Variants in NREP observed in about 807,000 individuals in gnomAD.
The protein encoded by NREP is neuronal regeneration related protein, also known as neuronal regeneration-related protein.
NREP carries 5 observed loss-of-function variants against 8.6 expected under a neutral mutation model. The ratio of observed to expected loss-of-function variants is 0.58; its 90% CI spans 0.30 to 1.22. The LOEUF (loss-of-function observed/expected upper bound fraction) is 1.22, where lower values mean the gene tolerates loss of function less well. Among genes scored for constraint, NREP ranks in the 50% most tolerant of loss-of-function variants. NREP has a pLI of 0.07. For missense variants in NREP, 86 were observed against 82.5 expected, an observed-to-expected ratio of 1.04 and a Z score of -0.17; for synonymous variants, 27 against 28.0, an observed-to-expected ratio of 0.96 and a Z score of 0.11.
intron 2 of NREP, 117 bp downstream of exon 2, chr5:111,755,653 G>C: frequency 8.7e-7 from 1 of 1,148,254 alleles, no homozygotes; most frequent in African/African-American, 1.5e-5. Flanking sequence ...ACCTTTTAAA[G>C]GTCAGATGGG....
upstream of NREP, chr5:111,758,256 C>G (rs1750861309): frequency 1.0e-6 from 1 of 985,450 alleles, no homozygotes; most frequent in Non-Finnish European, 1.2e-6. Context: ...CGCGCACAAC[C>G]AGCCAGAGCT....
intron 2 of NREP, among the ~76,000 whole-genome samples, chr5:111,812,856 C>G (rs1214671329): frequency 6.6e-6 from 1 of 152,106 alleles, no homozygotes; most frequent in Non-Finnish European, 1.5e-5. Context: ...GAACTTCATA[C>G]ATGTCATGAT....
At chr5:111,974,993 C>A (rs1352791293) in intron 2 of NREP, among the ~76,000 whole-genome samples, 2 of 152,080 alleles carry the variant, frequency 1.3e-5, no homozygotes, top group African/African-American at 4.8e-5. Context: ...GGTGGTTGGC[C>A]AGAGGTGTAC....
intron 2 of NREP, among the ~76,000 whole-genome samples, chr5:111,928,206 G>A (rs779556152): frequency 3.9e-5 from 6 of 151,966 alleles, no homozygotes; most frequent in East Asian, 1.9e-4. Context: ...TATTTACATC[G>A]CATAGACTTT....
At chr5:111,835,353 A>C (rs545445250) in intron 2 of NREP, among the ~76,000 whole-genome samples, 1 of 152,162 alleles carries the variant, frequency 6.6e-6, no homozygotes, top group African/African-American at 2.4e-5. Context: ...GAATAGTAAT[A>C]GTATTAATAA....
At chr5:111,878,490 T>G (rs1753966063) in intron 2 of NREP, among the ~76,000 whole-genome samples, 1 of 152,192 alleles carries the variant, frequency 6.6e-6, no homozygotes, top group Non-Finnish European at 1.5e-5. Flanking sequence ...CATCCATGAT[T>G]CAATCACCTC....
chr5:111,832,221 T>G (rs1426147792), intron 2 of NREP, among the ~76,000 whole-genome samples: 1 of 152,032 alleles, frequency 6.6e-6, no homozygotes, highest in African/African-American at 2.4e-5. Context: ...GCTATGTCTT[T>G]CAAAACCACC....
intron 2 of NREP, among the ~76,000 whole-genome samples, chr5:111,952,282 G>A (rs961629165): frequency 9.9e-5 from 15 of 152,096 alleles, no homozygotes; most frequent in Non-Finnish European, 1.6e-4. Context: ...AGCCAGTTAG[G>A]CAAGAATGAG....
chr5:111,892,363 G>A (rs1754414455), intron 2 of NREP, among the ~76,000 whole-genome samples: 1 of 152,062 alleles, frequency 6.6e-6, no homozygotes, highest in African/African-American at 2.4e-5. Flanking sequence ...ACATTAAATG[G>A]AAAATGGGTT....
chr5:111,878,277 C>G (rs1229167556), intron 2 of NREP, among the ~76,000 whole-genome samples: 3 of 152,148 alleles, frequency 2.0e-5, no homozygotes, highest in Admixed American at 2.0e-4. Context: ...TTATGAAGAA[C>G]AGAGGTTTAA....
chr5:111,927,439 G>T (rs1372287637), intron 2 of NREP, among the ~76,000 whole-genome samples: 1 of 152,110 alleles, frequency 6.6e-6, no homozygotes, highest in African/African-American at 2.4e-5. Flanking sequence ...TGCCCTCTGA[G>T]ATAAGCGCTC....
intron 2 of NREP, among the ~76,000 whole-genome samples, chr5:111,769,924 C>G (rs1000152415): frequency 1.3e-5 from 2 of 152,134 alleles, no homozygotes; most frequent in African/African-American, 2.4e-5. Context: ...CAGAGCCAAA[C>G]GCCAAACCAT....
rs905940458 is a variant in NREP at position 111,855,794 on chromosome 5, C to G, written c.135+119480G>C. Among the ~76,000 whole-genome samples the G allele has an allele frequency of 8.5e-5, 13 of 152,194 alleles. 1 individual carries two copies. The highest frequency in any genetic ancestry group is 3.1e-4 in the African/African-American group (13 of 41,530). ...TAGGGGTTGCAGGACCAGGACAAATCACACAGGGCCAACCTCCCCAATAAT... is the reference window on the plus strand; with the variant it reads ...TAGGGGTTGCAGGACCAGGACAAATGACACAGGGCCAACCTCCCCAATAAT... On this transcript the variant is annotated intron_variant, in intron 2 of 3. Transcript: ENST00000395634.
intron 2 of NREP, among the ~76,000 whole-genome samples, chr5:111,746,254 A>G (rs1749996327): frequency 6.6e-6 from 1 of 152,120 alleles, no homozygotes; most frequent in South Asian, 2.1e-4. Context: ...TTTTAAAAAA[A>G]GGAAAAACAG....
At chr5:111,789,796 T>C (rs1016920948) in intron 2 of NREP, among the ~76,000 whole-genome samples, 2 of 152,140 alleles carry the variant, frequency 1.3e-5, no homozygotes, top group Non-Finnish European at 2.9e-5. Flanking sequence ...CCAAACCATA[T>C]GAGCTCACAT....
At chr5:111,843,530 G>A (rs1581159562) in intron 2 of NREP, among the ~76,000 whole-genome samples, 1 of 151,912 alleles carries the variant, frequency 6.6e-6, no homozygotes, top group East Asian at 1.9e-4. Context: ...TCTTTTTCAG[G>A]CAGTTTGTAG....
At chr5:111,750,189 TG>T (rs1696927511) in intron 2 of NREP, among the ~76,000 whole-genome samples, 1 of 152,188 alleles carries the variant, frequency 6.6e-6, no homozygotes, top group Non-Finnish European at 1.5e-5. Context: ...AAAGGTACTA[TG>T]CTTACTCTTG....
chr5:111,863,874 G>C (rs1753606130), intron 2 of NREP, among the ~76,000 whole-genome samples: 1 of 152,134 alleles, frequency 6.6e-6, no homozygotes, highest in Non-Finnish European at 1.5e-5. Context: ...ATGTGGGACT[G>C]TTTGGACTTC....
intron 2 of NREP, among the ~76,000 whole-genome samples, chr5:111,900,613 C>G (rs1359955501): frequency 6.6e-6 from 1 of 151,858 alleles, no homozygotes; most frequent in Non-Finnish European, 1.5e-5. Flanking sequence ...CAAAAGATCA[C>G]CAGGGACTAT....
Sources: allele counts gnomAD v4.1 joint callset (sites outside exome capture counted in the v4.1 genomes callset), GRCh38; gene constraint gnomAD v4.1.1; transcripts MANE v1.5; gene names NCBI Gene and HGNC (gene_info 2026-07-23, HGNC 2026-07-21).